TENM4: variants seen among roughly 807,000 people sequenced by gnomAD.
TENM4 encodes the protein teneurin transmembrane protein 4.
A neutral mutation model predicts 243.3 loss-of-function variants in TENM4; 82 were observed. The observed-to-expected ratio is 0.34, with a 90% CI of 0.28 to 0.40. The LOEUF (loss-of-function observed/expected upper bound fraction) is 0.40, where lower values mean the gene tolerates loss of function less well. TENM4 is among the 10% of genes least tolerant of loss of function. TENM4 has a pLI of 1.00. For missense variants in TENM4, 3,138 were observed against 3,673.3 expected, an observed-to-expected ratio of 0.85 and a Z score of 3.77; for synonymous variants, 1,412 against 1,456.3, an observed-to-expected ratio of 0.97 and a Z score of 0.69.
chr11:79,354,473 A>C (rs984790597), intron 1 of TENM4, among the ~76,000 whole-genome samples: 2 of 152,320 alleles, frequency 1.3e-5, no homozygotes, highest in East Asian at 3.9e-4. Context: ...GGTCACACAA[A>C]GATACAAAAA....
chr11:78,719,371 T>C (rs1180706325), intron 25 of TENM4, among the ~76,000 whole-genome samples: 1 of 150,236 alleles, frequency 6.7e-6, no homozygotes, highest in Non-Finnish European at 1.5e-5. Flanking sequence ...TCTATACATG[T>C]GAATTATTAA....
rs1337625518 is a variant in TENM4 at position 79,139,682 on chromosome 11, A to G, written c.-66+9028T>C. On this transcript the variant is annotated intron_variant, in intron 4 of 33. Transcript: ENST00000278550. ...ATATAAAATATATATATTTTATATA[A>G]GTATATAAAATATATATAATATTTA... Among the ~76,000 whole-genome samples the G allele has an allele frequency of 2.2e-5, 2 of 92,888 alleles. 1 individual carries two copies. The highest frequency in any genetic ancestry group is 3.4e-4 in the Admixed American group (2 of 5,896). The allele number at this position is 92,888 out of a possible 152,430, so 60.9% of individuals were successfully genotyped here. A position where few individuals can be genotyped will look rare whatever the true frequency, so the allele number is the denominator to read the frequency against.
At chr11:79,377,164 T>C (rs954755074) in intron 1 of TENM4, among the ~76,000 whole-genome samples, 4 of 152,218 alleles carry the variant, frequency 2.6e-5, no homozygotes, top group Non-Finnish European at 5.9e-5. Flanking sequence ...CACCAGAAAC[T>C]GGAAGAGGCA....
intron 21 of TENM4, among the ~76,000 whole-genome samples, chr11:78,730,114 TCA>T (rs1165171538): frequency 6.6e-5 from 10 of 152,306 alleles, no homozygotes; most frequent in African/African-American, 2.2e-4. Context: ...CCTCTGAATC[TCA>T]GTCTCCTCAC....
intron 4 of TENM4, among the ~76,000 whole-genome samples, chr11:79,085,233 G>C (rs762152040): frequency 7.9e-5 from 12 of 151,834 alleles, no homozygotes; most frequent in Non-Finnish European, 1.8e-4. Flanking sequence ...AAAAATTAGC[G>C]GGGTGTGGTG....
intron 2 of TENM4, among the ~76,000 whole-genome samples, chr11:79,273,411 GT>G (rs1296744918): frequency 6.6e-6 from 1 of 152,164 alleles, no homozygotes; most frequent in Non-Finnish European, 1.5e-5. Flanking sequence ...TCTGACCTGT[GT>G]CACATCACAT....
chr11:78,669,654 T>C lies in TENM4; in HGVS notation c.6691A>G (p.Ser2231Gly). The C allele has an allele frequency of 6.2e-7, 1 of 1,613,990 alleles. No homozygotes were observed. The highest frequency in any genetic ancestry group is 2.2e-5 in the East Asian group (1 of 44,878). Residue 2231 changes from serine to glycine, a missense_variant, in exon 32 of 34, where the codon AGT becomes GGT. Physicochemically the swap from Ser to Gly is moderately conservative, Grantham distance 56. Around this residue, in one of 2 missense-constraint regions of TENM4, gnomAD observed 2,467 missense variants for 3,059.1 expected, o/e 0.81. Transcript: ENST00000278550. The surrounding 1 kb of genome is among the most constrained non-coding windows in gnomAD (Gnocchi z 6.4). ...GNLHLLSPGN[S>G]ARLTPLRYDI... Reference sequence around the variant, plus strand: ...TACCGTAGTGGTGTGAGCCGTGCACTGTTCCCAGGGCTCAGTAAGTGCAGG... The same window carrying C: ...TACCGTAGTGGTGTGAGCCGTGCACCGTTCCCAGGGCTCAGTAAGTGCAGG...
chr11:79,423,848 C>A (rs1858992103), intron 1 of TENM4, among the ~76,000 whole-genome samples: 1 of 152,096 alleles, frequency 6.6e-6, no homozygotes, highest in South Asian at 2.1e-4. Flanking sequence ...CACAATACTT[C>A]TAGTCCTTTT....
chr11:79,374,443 T>C (rs1360741663), intron 1 of TENM4, among the ~76,000 whole-genome samples: 1 of 152,112 alleles, frequency 6.6e-6, no homozygotes, highest in Non-Finnish European at 1.5e-5. Flanking sequence ...GCATTTCAAA[T>C]GGTTGCATTT....
intron 32 of TENM4, among the ~76,000 whole-genome samples, chr11:78,663,200 T>C (rs1349586561): frequency 2.0e-5 from 3 of 152,184 alleles, no homozygotes; most frequent in Non-Finnish European, 4.4e-5. Flanking sequence ...CCAAAGCAGA[T>C]GTCAATCAGA....
chr11:79,382,940 C>T (rs545795413), intron 1 of TENM4, among the ~76,000 whole-genome samples: 1 of 152,292 alleles, frequency 6.6e-6, no homozygotes, highest in South Asian at 2.1e-4. Flanking sequence ...AAGCACACAG[C>T]CCCCAGGGGC....
chr11:79,107,878 C>G (rs921438476), intron 4 of TENM4, among the ~76,000 whole-genome samples: 2 of 152,218 alleles, frequency 1.3e-5, no homozygotes, highest in Non-Finnish European at 2.9e-5. Flanking sequence ...AATCAGATAA[C>G]TTGTCTGAGG....
At chr11:79,159,200 C>T (rs1330728613) in intron 3 of TENM4, among the ~76,000 whole-genome samples, 1 of 152,144 alleles carries the variant, frequency 6.6e-6, no homozygotes, top group Non-Finnish European at 1.5e-5. Flanking sequence ...TTTGTTGAGT[C>T]AACATCGCTG....
At position 78,658,447 on chromosome 11, in the gene TENM4, G is replaced by A. The variant is rs1414751819; in HGVS notation, c.7921C>T (p.Leu2641=). 2.5e-6 allele frequency: 4 copies of A among 1,614,032 alleles called. No homozygotes were observed. The South Asian group carries it at 3.3e-5, about 13-fold the overall frequency. The change falls in exon 34 of 34, where the codon CTG becomes TTG. Residue 2641 remains leucine (L), a synonymous_variant. Transcript: ENST00000278550. ...ILGLSGGRRT[L]ENGVNVTVSQ... Reference sequence around the variant, plus strand: ...ACAGTGACGTTGACCCCATTCTCCAGGGTTCGCCGCCCCCCACTGAGGCCC... The same window carrying A: ...ACAGTGACGTTGACCCCATTCTCCAAGGTTCGCCGCCCCCCACTGAGGCCC...
intron 1 of TENM4, among the ~76,000 whole-genome samples, chr11:79,383,128 C>T (rs1858040376): frequency 6.6e-6 from 1 of 152,150 alleles, no homozygotes; most frequent in Admixed American, 6.5e-5. Context: ...CCTCTGAGTC[C>T]CCTTTCTGGC....
chr11:79,417,193 C>T (rs1465484863), intron 1 of TENM4, among the ~76,000 whole-genome samples: 2 of 152,178 alleles, frequency 1.3e-5, no homozygotes, highest in Non-Finnish European at 2.9e-5. Flanking sequence ...GTGTTTCATG[C>T]GTTGACTCTT....
At chr11:78,883,887 G>A (rs1855490348) in intron 9 of TENM4, among the ~76,000 whole-genome samples, 1 of 152,198 alleles carries the variant, frequency 6.6e-6, no homozygotes, top group Admixed American at 6.5e-5. Context: ...GGTCCCCCTG[G>A]TTGTTCTGTC....
chr11:79,089,324 T>C (rs1023932149), intron 4 of TENM4, among the ~76,000 whole-genome samples: 5 of 152,202 alleles, frequency 3.3e-5, no homozygotes, highest in African/African-American at 1.2e-4. Context: ...TGTGCCTGCT[T>C]TGGCCTGCTA....
chr11:78,988,517 C>G (rs1402278546), intron 6 of TENM4, among the ~76,000 whole-genome samples: 1 of 152,204 alleles, frequency 6.6e-6, no homozygotes, highest in Non-Finnish European at 1.5e-5. Context: ...AAGCAGCTCT[C>G]ACTGATGAGC....
Sources: gnomAD v4.1 joint callset for allele counts (sites outside exome capture counted in the v4.1 genomes callset) on GRCh38, gnomAD v4.1.1 for gene constraint, gnomAD v4.1.1 regional missense constraint, Gnocchi (gnomAD v3.1) non-coding constraint, MANE v1.5 for transcripts, NCBI Gene and HGNC (gene_info 2026-07-23, HGNC 2026-07-21) for gene names.